The following SRPK1 variants were observed in gnomAD, a reference collection of about 807,000 sequenced individuals.
SRPK1 encodes SRSF protein kinase 1.
A neutral mutation model predicts 89.5 loss-of-function variants in SRPK1; 52 were observed. The observed-to-expected ratio is 0.58, with a 90% CI of 0.46 to 0.73. The LOEUF (loss-of-function observed/expected upper bound fraction) is 0.73, where lower values mean the gene tolerates loss of function less well. SRPK1 is among the 30% of genes least tolerant of loss of function. The pLI is 0.00. For missense variants in SRPK1, 603 were observed against 780.6 expected (o/e 0.77, Z 2.71); for synonymous variants, 255 against 270.2 (o/e 0.94, Z 0.55).
intron 2 of SRPK1, among the ~76,000 whole-genome samples, chr6:35,900,013 A>AC (rs1770708776): frequency 6.6e-6 from 1 of 151,426 alleles, no homozygotes; most frequent in Non-Finnish European, 1.5e-5. Context: ...AAAAAAAATA[A>AC]TAATAATAAA....
At chr6:35,840,891 C>G (rs1310432199) in intron 14 of SRPK1, among the ~76,000 whole-genome samples, 4 of 152,178 alleles carry the variant, frequency 2.6e-5, no homozygotes, top group South Asian at 2.1e-4. Context: ...AGAATTTAAA[C>G]ATCTAGGGAA....
chr6:35,861,545 C>T (rs879390560), intron 12 of SRPK1, among the ~76,000 whole-genome samples: 2 of 152,212 alleles, frequency 1.3e-5, no homozygotes, highest in African/African-American at 4.8e-5. Context: ...TCCCTATCAC[C>T]CTGCCATGGG....
intron 13 of SRPK1, among the ~76,000 whole-genome samples, chr6:35,855,380 A>G (rs7749861): frequency 0.34 from 51,343 of 151,702 alleles, 8,902 homozygotes; most frequent in South Asian, 0.45. Context: ...TAACAACATG[A>G]TATCATCTCT....
At chr6:35,916,014 A>G (rs1239887413) in intron 2 of SRPK1, among the ~76,000 whole-genome samples, 1 of 88,376 alleles carries the variant, frequency 1.1e-5, no homozygotes, top group East Asian at 3.6e-4. Flanking sequence ...ACACACACAC[A>G]CACACACACA....
Position 35,921,025 on chromosome 6 carries a change from A to G in SRPK1, c.13+19T>C. ...CGGCGACCATTGCCCCTCGTGGCGG[A>G]GGCCGCTCCACCGCTCACCTTTCCG... On this transcript the variant is annotated intron_variant, in intron 1 of 15. Coordinates refer to ENST00000373825, the MANE Select transcript of SRPK1 (RefSeq NM_003137.5). The G allele has an allele frequency of 6.5e-7, 1 of 1,542,960 alleles. No individual in the cohort carries two copies. Among genetic ancestry groups the G allele is most frequent in the East Asian group, 2.6e-5 (1 of 38,670 alleles).
At chr6:35,864,803 C>T (rs1258617647) in intron 12 of SRPK1, among the ~76,000 whole-genome samples, 4 of 152,098 alleles carry the variant, frequency 2.6e-5, no homozygotes, top group Non-Finnish European at 4.4e-5. Flanking sequence ...TGTCCATCAA[C>T]AGATGAATTA....
intron 2 of SRPK1, among the ~76,000 whole-genome samples, chr6:35,913,969 C>CTTTTTGT (rs1771033862): frequency 1.1e-5 from 1 of 92,934 alleles, no homozygotes; most frequent in Non-Finnish European, 2.1e-5. Flanking sequence ...GATACTTTCT[C>CTTTTTGT]TTTTTTTTTT....
intron 12 of SRPK1, among the ~76,000 whole-genome samples, chr6:35,863,046 GA>G (rs1233923462): frequency 6.6e-6 from 1 of 152,080 alleles, no homozygotes; most frequent in East Asian, 1.9e-4. Flanking sequence ...AGCTACTCAG[GA>G]GGCTGAGCCA....
At chr6:35,876,201 T>A (rs1770155421) in intron 6 of SRPK1, among the ~76,000 whole-genome samples, 2 of 148,934 alleles carry the variant, frequency 1.3e-5, no homozygotes, top group South Asian at 4.3e-4. Flanking sequence ...CATCTCAAAC[T>A]AATAAATGAC....
intron 13 of SRPK1, among the ~76,000 whole-genome samples, chr6:35,853,333 T>C (rs543132759): frequency 6.6e-6 from 1 of 152,224 alleles, no homozygotes; most frequent in East Asian, 1.9e-4. Flanking sequence ...GTATAACAAC[T>C]TTACATAGCA....
intron 14 of SRPK1, chr6:35,838,724 CT>C (rs749916632): frequency 1.4e-6 from 2 of 1,429,368 alleles, no homozygotes; most frequent in Non-Finnish European, 1.9e-6. Flanking sequence ...CTGAAGAAGT[CT>C]TGTGAATATT....
rs1440056990 is a variant in SRPK1, at chr6:35,885,290, CACACACACAGAGAG to C, written c.478+1420_478+1433del. 3.2e-4 allele frequency among the ~76,000 whole-genome samples: 43 copies of C among 135,552 alleles called. No individual in the cohort carries two copies. In the South Asian group the frequency reaches 5.0e-3, roughly 16 times the overall value. The allele number at this position is 135,552 out of a possible 152,430, so 88.9% of individuals were successfully genotyped here. A position where few individuals can be genotyped will look rare whatever the true frequency, so the allele number is the denominator to read the frequency against. The stretch of plus-strand genomic sequence containing the variant: ...ACACACACACACACACACACACACA[CACACACACAGAGAG>C]AGAGAGAGAGAGAGAGAGAGAGAGA... On this transcript the variant is annotated intron_variant, in intron 6 of 15. Coordinates refer to ENST00000373825, the MANE Select transcript of SRPK1 (RefSeq NM_003137.5).
chr6:35,913,586 T>C (rs919568367), intron 2 of SRPK1, among the ~76,000 whole-genome samples: 3 of 151,882 alleles, frequency 2.0e-5, no homozygotes, highest in Non-Finnish European at 4.4e-5. Flanking sequence ...TCACCTGAAG[T>C]CAGGAGTTTG....
Position 35,920,459 on chromosome 6 carries a change from A to C in SRPK1, c.74+9T>G, listed in dbSNP as rs758890758. 4 of 1,612,786 alleles carry C rather than the reference A, an allele frequency of 2.5e-6. No homozygotes were observed. Among genetic ancestry groups the C allele is most frequent in the Non-Finnish European group, 2.5e-6 (3 of 1,179,060 alleles). On this transcript the variant is annotated intron_variant, in intron 2 of 15. Coordinates refer to ENST00000373825, the MANE Select transcript of SRPK1 (RefSeq NM_003137.5). The stretch of plus-strand genomic sequence containing the variant: ...TCCAAAGAATGGGATGTTGGGGTAC[A>C]AGACTCACTTCCTTTGGGCTTTGTC...
rs377322321 is a variant in SRPK1, at chr6:35,836,290, AC to A, written c.1784-803del. Among the ~76,000 whole-genome samples the A allele has an allele frequency of 3.8e-3, 567 of 150,276 alleles. 2 individuals carry two copies. The highest frequency in any genetic ancestry group is 0.013 in the African/African-American group (526 of 40,816). On this transcript the variant is annotated intron_variant, in intron 15 of 15. Coordinates refer to ENST00000373825, the MANE Select transcript of SRPK1 (RefSeq NM_003137.5). ...AGTTTTATCTCCAAACCACCCCCCA[AC>A]CCCCCCATCCATTGAAAAACTGTCT... is the stretch of plus-strand genomic sequence containing the variant.
intron 2 of SRPK1, among the ~76,000 whole-genome samples, chr6:35,892,678 AACAACAACAACG>A (rs1218237574): frequency 5.0e-5 from 7 of 139,672 alleles, no homozygotes; most frequent in African/African-American, 1.9e-4. Context: ...CAACAACAAC[AACAACAACAACG>A]ACAACAACAC....
At chr6:35,871,888 G>A (rs1582008488) in intron 8 of SRPK1, among the ~76,000 whole-genome samples, 1 of 152,116 alleles carries the variant, frequency 6.6e-6, no homozygotes, top group South Asian at 2.1e-4. Flanking sequence ...CTACAGGCAC[G>A]CATCACTATG....
chr6:35,873,069 T>C (rs1009661665), intron 7 of SRPK1, among the ~76,000 whole-genome samples: 4 of 152,176 alleles, frequency 2.6e-5, no homozygotes, highest in Admixed American at 2.0e-4. Flanking sequence ...CATTTAGATA[T>C]CTTTAATTCA....
At chr6:35,913,635 T>C (rs1771020994) in intron 2 of SRPK1, among the ~76,000 whole-genome samples, 1 of 151,760 alleles carries the variant, frequency 6.6e-6, no homozygotes, top group African/African-American at 2.4e-5. Context: ...CCGTCTCTAC[T>C]AAAAATATAA....
Sources: gnomAD v4.1 joint callset for allele counts (sites outside exome capture counted in the v4.1 genomes callset) on GRCh38, gnomAD v4.1.1 for gene constraint, MANE v1.5 for transcripts, NCBI Gene and HGNC (gene_info 2026-07-23, HGNC 2026-07-21) for gene names.